Variants in PLCE1 observed in about 807,000 individuals in gnomAD.
PLCE1 encodes phospholipase C epsilon 1, also known as 1-phosphatidylinositol 4,5-bisphosphate phosphodiesterase epsilon-1.
Under a neutral mutation model 242.8 loss-of-function variants are expected in PLCE1, and 119 were observed. That is an observed-to-expected ratio of 0.49 (90% confidence interval 0.42 to 0.57). The LOEUF is 0.57. Among genes scored for constraint, PLCE1 ranks in the 20% least tolerant of loss-of-function variants. PLCE1 has a pLI of 0.00. For missense variants in PLCE1, 2,441 were observed against 2,788.8 expected (o/e 0.88, Z 2.81); for synonymous variants, 945 against 1,017.4 (o/e 0.93, Z 1.35).
intron 2 of PLCE1, among the ~76,000 whole-genome samples, chr10:94,053,033 G>T (rs972526936): frequency 6.6e-6 from 1 of 152,124 alleles, no homozygotes; most frequent in Non-Finnish European, 1.5e-5. Context: ...CCCAAATAAC[G>T]CTTTTTGAAG....
chr10:94,078,301 A>G (rs1487944197), intron 2 of PLCE1, among the ~76,000 whole-genome samples: 2 of 152,148 alleles, frequency 1.3e-5, no homozygotes, highest in Admixed American at 6.5e-5. Flanking sequence ...TAATTCTTAT[A>G]TGTTGAAATG....
chr10:94,312,399 A>G (rs1240004276), intron 27 of PLCE1, among the ~76,000 whole-genome samples: 1 of 152,218 alleles, frequency 6.6e-6, no homozygotes, highest in Non-Finnish European at 1.5e-5. Context: ...CCAACAGGTT[A>G]GTTGTAGAAC....
intron 4 of PLCE1, among the ~76,000 whole-genome samples, chr10:94,198,771 G>C (rs909601689): frequency 6.6e-6 from 1 of 152,240 alleles, no homozygotes; most frequent in Admixed American, 6.5e-5. Flanking sequence ...CCTCAGCCAG[G>C]CATGGTGATG....
chr10:94,134,060 T>C (rs1466537138), intron 3 of PLCE1, among the ~76,000 whole-genome samples: 1 of 152,038 alleles, frequency 6.6e-6, no homozygotes, highest in Admixed American at 6.6e-5. Context: ...TTAATCAACA[T>C]GTGTAGACTA....
At chr10:94,011,877 C>T (rs1419550253) in intron 1 of PLCE1, among the ~76,000 whole-genome samples, 1 of 152,086 alleles carries the variant, frequency 6.6e-6, no homozygotes. Context: ...GGTTTTCCGC[C>T]TTTCATGCTC....
At chr10:94,244,370 G>T (rs942192738) in intron 7 of PLCE1, among the ~76,000 whole-genome samples, 2 of 152,180 alleles carry the variant, frequency 1.3e-5, no homozygotes, top group Non-Finnish European at 2.9e-5. Flanking sequence ...TGCTGGTGAT[G>T]TCTGTGGACC....
chr10:94,156,218 C>T (rs1158748874), intron 3 of PLCE1, among the ~76,000 whole-genome samples: 1 of 152,188 alleles, frequency 6.6e-6, no homozygotes, highest in Non-Finnish European at 1.5e-5. Flanking sequence ...CTGACACCAA[C>T]TGGGCGTCTT....
intron 11 of PLCE1, among the ~76,000 whole-genome samples, chr10:94,256,329 AAAAAAAAAAAAAG>A (rs1204205982): frequency 2.2e-5 from 3 of 134,384 alleles, no homozygotes; most frequent in Non-Finnish European, 4.8e-5. Flanking sequence ...GTCTCAAAAA[AAAAAAAAAAAAAG>A]AAAGAAAGAA....
At chr10:94,007,740 G>A (rs1271145482) in intron 1 of PLCE1, among the ~76,000 whole-genome samples, 5 of 111,812 alleles carry the variant, frequency 4.5e-5, no homozygotes, top group Admixed American at 9.1e-5. Flanking sequence ...TGGTCTGGTG[G>A]GTATTCTTAT....
intron 1 of PLCE1, among the ~76,000 whole-genome samples, chr10:93,996,888 A>G (rs2060834857): frequency 6.6e-6 from 1 of 152,252 alleles, no homozygotes; most frequent in African/African-American, 2.4e-5. Context: ...GCAGATATAG[A>G]ACATTTTCAT....
intron 2 of PLCE1, among the ~76,000 whole-genome samples, chr10:94,050,780 GTT>G (rs1333706332): frequency 1.3e-5 from 2 of 152,266 alleles, no homozygotes; most frequent in African/African-American, 4.8e-5. Flanking sequence ...TAAACACTGA[GTT>G]TACTTGTAGT....
chr10:94,120,119 C>A (rs2046256953), intron 2 of PLCE1, among the ~76,000 whole-genome samples: 1 of 152,130 alleles, frequency 6.6e-6, no homozygotes, highest in African/African-American at 2.4e-5. Flanking sequence ...ATTCTCTACC[C>A]TTACTCAACT....
At chr10:94,213,759 G>T (rs1235706649) in intron 4 of PLCE1, among the ~76,000 whole-genome samples, 3 of 152,092 alleles carry the variant, frequency 2.0e-5, no homozygotes, top group Admixed American at 2.0e-4. Context: ...GGCCAACATT[G>T]TTTCCACAAG....
At chr10:94,035,900 C>T (rs530202192) in intron 2 of PLCE1, among the ~76,000 whole-genome samples, 103 of 152,194 alleles carry the variant, frequency 6.8e-4, no homozygotes, top group African/African-American at 2.5e-3. Context: ...CATATGTGTC[C>T]GTTCTGGTTC....
rs12780987 is a variant in PLCE1, at chr10:94,090,716, C to T, written c.1207-41458C>T. Among the ~76,000 whole-genome samples, 867 of 152,246 alleles carry T rather than the reference C, an allele frequency of 5.7e-3. 6 individuals carry two copies. The highest frequency in any genetic ancestry group is 9.2e-3 in the Non-Finnish European group (628 of 68,016). ...GAGGTCTATGCACTCAGTGGTTCTT[C>T]TTGTTTTTGTTCGGTGAGCCCTTTC... On this transcript the variant is annotated intron_variant, in intron 2 of 32. Coordinates refer to ENST00000371380, the MANE Select transcript of PLCE1 (RefSeq NM_016341.4).
chr10:94,298,568 G>A lies in PLCE1; in HGVS notation c.5357G>A (p.Arg1786Lys), dbSNP rs1327628714. The A allele has an allele frequency of 1.2e-6, 2 of 1,614,108 alleles. No individual in the cohort carries two copies. The highest frequency in any genetic ancestry group is 3.3e-5 in the Admixed American group (2 of 60,006). ...CAGCACACCGCCTGTCAGCTGCTGAGAACTTACCCTGCTGCCACCCGCATC... is the reference window on the plus strand; with the variant it reads ...CAGCACACCGCCTGTCAGCTGCTGAAAACTTACCCTGCTGCCACCCGCATC... ...LTQHTACQLL[R>K]TYPAATRIDS... Residue 1786 changes from arginine (R) to lysine (K), a missense_variant, in exon 24 of 33, where the codon AGA (arginine) becomes AAA (lysine). Transcript: ENST00000371380. This position sits in a 1 kb window ranked among gnomAD's most constrained non-coding sequence, Gnocchi z 5.2.
intron 24 of PLCE1, among the ~76,000 whole-genome samples, chr10:94,301,976 G>A (rs894572782): frequency 6.6e-6 from 1 of 152,128 alleles, no homozygotes; most frequent in Admixed American, 6.5e-5. Flanking sequence ...ATTTTAATGG[G>A]TAGAAGACCA....
intron 32 of PLCE1, among the ~76,000 whole-genome samples, chr10:94,325,866 T>C (rs964669982): frequency 6.6e-6 from 1 of 152,180 alleles, no homozygotes; most frequent in African/African-American, 2.4e-5. Context: ...TGATGTAGCT[T>C]CAACAACCTC....
At chr10:94,063,964 G>C (rs750289706) in intron 2 of PLCE1, among the ~76,000 whole-genome samples, 2 of 152,062 alleles carry the variant, frequency 1.3e-5, no homozygotes, top group Non-Finnish European at 2.9e-5. Context: ...CACATTGAAG[G>C]GGCTGAAAAA....
Sources: gnomAD v4.1 joint callset for allele counts (sites outside exome capture counted in the v4.1 genomes callset) on GRCh38, gnomAD v4.1.1 for gene constraint, Gnocchi (gnomAD v3.1) non-coding constraint, MANE v1.5 for transcripts, NCBI Gene and HGNC (gene_info 2026-07-23, HGNC 2026-07-21) for gene names.